The following ACVR1B variants were observed in gnomAD, a reference collection of about 807,000 sequenced individuals.
ACVR1B encodes activin A receptor type 1B.
In ACVR1B, 15 loss-of-function variants were observed where a neutral mutation model predicts 55.6. The ratio of observed to expected loss-of-function variants is 0.27; its 90% CI spans 0.18 to 0.42. ACVR1B has a LOEUF of 0.42. Among genes scored for constraint, ACVR1B ranks in the 10% least tolerant of loss-of-function variants. The probability of loss-of-function intolerance (pLI) is 1.00; values close to 1 mark genes in which losing one functional copy is unlikely to be tolerated. For synonymous variants in ACVR1B, 247 were observed against 254.6 expected (o/e 0.97, Z 0.28); for missense variants, 359 against 670.1 (o/e 0.54, Z 5.13).
chr12:51,974,445 G>A (rs1473670959), intron 1 of ACVR1B, among the ~76,000 whole-genome samples: 2 of 152,002 alleles, frequency 1.3e-5, no homozygotes, highest in Admixed American at 1.3e-4. Context: ...ATGTATGATA[G>A]TTACCCAGCA....
At chr12:51,958,897 C>T (rs1292965385) in intron 1 of ACVR1B, among the ~76,000 whole-genome samples, 1 of 152,130 alleles carries the variant, frequency 6.6e-6, no homozygotes, top group African/African-American at 2.4e-5. Context: ...GGGTTGGGGA[C>T]CCCTGATCCA....
chr12:51,965,483 T>G (rs999552961), intron 1 of ACVR1B, among the ~76,000 whole-genome samples: 1 of 152,136 alleles, frequency 6.6e-6, no homozygotes, highest in African/African-American at 2.4e-5. Context: ...AGTAAGAACT[T>G]TGATGTATTT....
At chr12:51,973,051 A>G (rs1209823304) in intron 1 of ACVR1B, among the ~76,000 whole-genome samples, 1 of 152,168 alleles carries the variant, frequency 6.6e-6, no homozygotes, top group East Asian at 1.9e-4. Context: ...GTCTTACACC[A>G]AGATTGTTTA....
chr12:51,971,531 T>C (rs1361377682), intron 1 of ACVR1B, among the ~76,000 whole-genome samples: 3 of 152,234 alleles, frequency 2.0e-5, no homozygotes, highest in African/African-American at 4.8e-5. Context: ...ATTTTTAACC[T>C]GATGAGTCAC....
chr12:51,985,777 T>G (rs543456078), intron 6 of ACVR1B, among the ~76,000 whole-genome samples: 1 of 152,270 alleles, frequency 6.6e-6, no homozygotes, highest in South Asian at 2.1e-4. Flanking sequence ...TAACCCAGGA[T>G]AGAGATTTGG....
chr12:51,953,126 G>A (rs750822234), intron 1 of ACVR1B, among the ~76,000 whole-genome samples: 42 of 152,098 alleles, frequency 2.8e-4, no homozygotes, highest in Admixed American at 2.0e-4. Context: ...CGCTCCTGAC[G>A]TACAAAGCCT....
At position 51,995,719 on chromosome 12, in the gene ACVR1B, A is replaced by G. The variant is rs1272390184; in HGVS notation, c.*1609A>G. On this transcript the variant is annotated 3_prime_UTR_variant, in exon 9 of 9. Transcript: ENST00000257963. ...AAAAAAATTATCCAATTGAACGCACATAGCTCAATCACACTGGAAATGTTT... is the reference window on the plus strand; with the variant it reads ...AAAAAAATTATCCAATTGAACGCACGTAGCTCAATCACACTGGAAATGTTT... 1 of 152,422 alleles carries G rather than the reference A, an allele frequency of 6.6e-6. No individual in the cohort carries two copies. The highest frequency in any genetic ancestry group is 1.5e-5 in the Non-Finnish European group (1 of 68,010). 9.4% of individuals were successfully genotyped at this position (152,422 alleles called of 1,614,324 possible).
intron 1 of ACVR1B, among the ~76,000 whole-genome samples, chr12:51,965,913 T>C (rs1042579361): frequency 2.6e-5 from 4 of 152,264 alleles, no homozygotes; most frequent in African/African-American, 9.6e-5. Context: ...TTTCAAGTAG[T>C]CTGGAAGAGG....
intron 3 of ACVR1B, 25 bp downstream of exon 3, chr12:51,976,600 G>A (rs771525052): frequency 2.4e-5 from 39 of 1,609,600 alleles, no homozygotes; most frequent in Non-Finnish European, 3.1e-5. Flanking sequence ...AGGGCATCAT[G>A]TCTGTGGTTG....
chr12:51,975,132 T>C, intron 1 of ACVR1B, 133 bp from the exon 2 acceptor site: 1 of 1,275,630 alleles, frequency 7.8e-7, no homozygotes, highest in Admixed American at 2.5e-5. Context: ...GTTAAGGATA[T>C]CTTTTTGGCC....
chr12:51,965,764 G>A (rs1941627210), intron 1 of ACVR1B, among the ~76,000 whole-genome samples: 1 of 152,214 alleles, frequency 6.6e-6, no homozygotes, highest in African/African-American at 2.4e-5. Flanking sequence ...ATTAGAGACT[G>A]ATTATCCAAA....
At chr12:51,992,885 A>G (rs1350518378) in intron 8 of ACVR1B, among the ~76,000 whole-genome samples, 3 of 152,224 alleles carry the variant, frequency 2.0e-5, no homozygotes, top group Admixed American at 6.5e-5. Flanking sequence ...ACTAATAAAC[A>G]TGGAATTCTA....
chr12:51,976,602 C>G (rs968321266), intron 3 of ACVR1B, 27 bp downstream of exon 3: 2 of 1,609,224 alleles, frequency 1.2e-6, no homozygotes, highest in South Asian at 1.1e-5. Context: ...GGCATCATGT[C>G]TGTGGTTGGC....
At chr12:51,961,559 C>G (rs1278937667) in intron 1 of ACVR1B, among the ~76,000 whole-genome samples, 1 of 152,142 alleles carries the variant, frequency 6.6e-6, no homozygotes, top group Non-Finnish European at 1.5e-5. Context: ...TAGTTTTATT[C>G]TCAGTTTGGC....
chr12:51,988,929 G>T (rs944400706), intron 7 of ACVR1B, among the ~76,000 whole-genome samples: 1 of 152,108 alleles, frequency 6.6e-6, no homozygotes, highest in Non-Finnish European at 1.5e-5. Context: ...ACCAGCTTGG[G>T]CTACATGGTG....
At chr12:51,973,597 T>C (rs1357500926) in intron 1 of ACVR1B, among the ~76,000 whole-genome samples, 1 of 152,218 alleles carries the variant, frequency 6.6e-6, no homozygotes, top group East Asian at 1.9e-4. Context: ...TGTGTCTAAA[T>C]GGGTTAGAAT....
chr12:51,970,142 G>T (rs1229857615), intron 1 of ACVR1B, among the ~76,000 whole-genome samples: 1 of 152,202 alleles, frequency 6.6e-6, no homozygotes, highest in African/African-American at 2.4e-5. Context: ...TGTGTTGAGA[G>T]TGATGTGAAT....
intron 1 of ACVR1B, among the ~76,000 whole-genome samples, chr12:51,969,814 A>G (rs932953998): frequency 6.6e-6 from 1 of 152,150 alleles, no homozygotes; most frequent in African/African-American, 2.4e-5. Flanking sequence ...GTGGCCATGA[A>G]TTTGAGGCTG....
At chr12:51,963,182 C>A (rs919954816) in intron 1 of ACVR1B, among the ~76,000 whole-genome samples, 2 of 151,824 alleles carry the variant, frequency 1.3e-5, no homozygotes, top group Non-Finnish European at 2.9e-5. Context: ...TGTTTAAGTA[C>A]CTTCATAATG....
Sources: gnomAD v4.1 joint callset for allele counts (sites outside exome capture counted in the v4.1 genomes callset) on GRCh38, gnomAD v4.1.1 for gene constraint, MANE v1.5 for transcripts, NCBI Gene and HGNC (gene_info 2026-07-23, HGNC 2026-07-21) for gene names.